The following CPSF2 variants were observed in gnomAD, a reference collection of about 807,000 sequenced individuals.
CPSF2 encodes cleavage and polyadenylation specific factor 2.
CPSF2 carries 51 observed loss-of-function variants against 84.2 expected under a neutral mutation model. The ratio of observed to expected loss-of-function variants is 0.61; its 90% CI spans 0.48 to 0.77. CPSF2 has a LOEUF of 0.77. Ranked by LOEUF, CPSF2 falls within the 30% of genes least tolerant of loss-of-function variation. The pLI is 0.00. For missense variants in CPSF2, 641 were observed against 929.4 expected (o/e 0.69, Z 4.03); for synonymous variants, 286 against 311.9 (o/e 0.92, Z 0.87).
chr14:92,128,033 A>G (rs2068864497), intron 2 of CPSF2, among the ~76,000 whole-genome samples: 1 of 152,212 alleles, frequency 6.6e-6, no homozygotes, highest in Non-Finnish European at 1.5e-5. Flanking sequence ...TTGAAGGGTA[A>G]TACTTACGGC....
chr14:92,162,648 G>A lies in CPSF2; in HGVS notation c.*904G>A, dbSNP rs1015475503. 4 of 152,140 alleles carry A rather than the reference G, an allele frequency of 2.6e-5. No individual in the cohort carries two copies. The highest frequency in any genetic ancestry group is 5.9e-5 in the Non-Finnish European group (4 of 68,030). 9.4% of individuals were successfully genotyped at this position (152,140 alleles called of 1,614,324 possible). Reference sequence around the variant, plus strand: ...CTTGCTGTCTCCTAAGGTCACCCAAGCAGTGGTTGGATTTTATACACATTA... The same window carrying A: ...CTTGCTGTCTCCTAAGGTCACCCAAACAGTGGTTGGATTTTATACACATTA... On this transcript the variant is annotated 3_prime_UTR_variant, in exon 16 of 16. Coordinates refer to ENST00000298875, the MANE Select transcript of CPSF2 (RefSeq NM_017437.3).
In CPSF2 at chr14:92,142,149, A is replaced by C; in HGVS notation, c.662-15A>C. 3.8e-6 allele frequency: 6 copies of C among 1,577,210 alleles called. No individual in the cohort carries two copies. Among genetic ancestry groups the C allele is most frequent in the Non-Finnish European group, 5.2e-6 (6 of 1,156,958 alleles). On this transcript the variant is annotated splice_polypyrimidine_tract_variant and intron_variant, in intron 7 of 15. Transcript: ENST00000298875. ...TTGTTACGTTCTATGGGGATTTTACATTCTTGTTTTCTAGCAAATGTCCTG... is the reference window on the plus strand; with the variant it reads ...TTGTTACGTTCTATGGGGATTTTACCTTCTTGTTTTCTAGCAAATGTCCTG...
At chr14:92,159,350 G>A (rs889628013) in intron 14 of CPSF2, 68 bp downstream of exon 14, 1 of 1,355,808 alleles carries the variant, frequency 7.4e-7, no homozygotes, top group Non-Finnish European at 1.0e-6. Context: ...CATGTCTTTT[G>A]GTTTTTTTCC....
intron 6 of CPSF2, 87 bp downstream of exon 6, chr14:92,135,583 T>G (rs1473855210): frequency 2.1e-6 from 3 of 1,408,274 alleles, no homozygotes; most frequent in Non-Finnish European, 2.9e-6. Context: ...AGTTTTTGTT[T>G]TGGTTACCAG....
At chr14:92,150,926 G>A (rs147972319) in intron 9 of CPSF2, among the ~76,000 whole-genome samples, 2 of 152,290 alleles carry the variant, frequency 1.3e-5, no homozygotes, top group African/African-American at 4.8e-5. Context: ...CTGTGAGATT[G>A]ACAACTTAAA....
rs2069367309 is a variant in CPSF2, at chr14:92,161,221, G to A, written c.2231G>A (p.Cys744Tyr). 1 of 1,612,366 alleles carries A rather than the reference G, an allele frequency of 6.2e-7. No homozygotes were observed. Among genetic ancestry groups the A allele is most frequent in the Admixed American group, 1.7e-5 (1 of 59,614 alleles). Residue 744 changes from cysteine (C) to tyrosine (Y), a missense_variant, in exon 15 of 16, where the codon TGC (cysteine) becomes TAC (tyrosine). Coordinates refer to ENST00000298875, the MANE Select transcript of CPSF2 (RefSeq NM_017437.3). ...QAEFVGGVLV[C>Y]NNQVAVRRTE... Reference sequence around the variant, plus strand: ...GAATTTGTAGGAGGTGTACTTGTTTGCAACAATCAAGTAGCAGTCCGCAGA... The same window carrying A: ...GAATTTGTAGGAGGTGTACTTGTTTACAACAATCAAGTAGCAGTCCGCAGA...
rs1322080079 is a variant in CPSF2 at position 92,163,289 on chromosome 14, C to G, written c.*1545C>G. ...ATCAGACTCGAATTACTATTTCATT[C>G]TATTTCAAATGCTTATAAAGCTACT... is the stretch of plus-strand genomic sequence containing the variant. On this transcript the variant is annotated 3_prime_UTR_variant, in exon 16 of 16. Transcript: ENST00000298875. 4 of 152,474 alleles carry G rather than the reference C, an allele frequency of 2.6e-5. No individual in the cohort carries two copies. The highest frequency in any genetic ancestry group is 5.9e-5 in the Non-Finnish European group (4 of 68,038). 9.4% of individuals were successfully genotyped at this position (152,474 alleles called of 1,614,324 possible).
intron 2 of CPSF2, among the ~76,000 whole-genome samples, chr14:92,127,556 G>C (rs978398468): frequency 6.6e-6 from 1 of 152,192 alleles, no homozygotes; most frequent in African/African-American, 2.4e-5. Context: ...GAGAACTTTT[G>C]CTGTGAAAGG....
chr14:92,141,814 C>T (rs770780090), intron 7 of CPSF2, among the ~76,000 whole-genome samples: 40 of 152,090 alleles, frequency 2.6e-4, no homozygotes, highest in Non-Finnish European at 4.6e-4. Context: ...CCAGGGTAGC[C>T]CGGAAACACC....
chr14:92,127,114 A>C (rs2068854180), intron 2 of CPSF2, among the ~76,000 whole-genome samples: 1 of 152,236 alleles, frequency 6.6e-6, no homozygotes. Flanking sequence ...ATGAAAACAG[A>C]GAAGGTCTTT....
intron 7 of CPSF2, among the ~76,000 whole-genome samples, chr14:92,140,007 G>A (rs2069055014): frequency 7.7e-6 from 1 of 129,518 alleles, no homozygotes; most frequent in Non-Finnish European, 1.6e-5. Flanking sequence ...AGGCTGGAGT[G>A]TAGTGGCACA....
chr14:92,153,703 C>CTTT (rs35788212), intron 9 of CPSF2, among the ~76,000 whole-genome samples: 8 of 131,306 alleles, frequency 6.1e-5, no homozygotes, highest in Admixed American at 1.6e-4. Flanking sequence ...CCACTACTGG[C>CTTT]TTTTTTTTTT....
In CPSF2 at chr14:92,134,301, G is replaced by T; in HGVS notation, c.361G>T (p.Ala121Ser). 6.2e-7 allele frequency: 1 copy of T among 1,613,676 alleles called. No homozygotes were observed. Among genetic ancestry groups the T allele is most frequent in the East Asian group, 2.2e-5 (1 of 44,860 alleles). ...FTLFTLDDVD[A>S]AFDKIQQLKF... Reference sequence around the variant, plus strand: ...ACTCTTTACATTAGATGATGTGGATGCAGCCTTTGATAAAATACAGCAGCT... The same window carrying T: ...ACTCTTTACATTAGATGATGTGGATTCAGCCTTTGATAAAATACAGCAGCT... Residue 121 changes from alanine to serine, a missense_variant, in exon 5 of 16, where the codon GCA becomes TCA. By Grantham distance (99) the Ala-to-Ser change is moderately conservative. Around this residue, in one of 2 missense-constraint regions of CPSF2, gnomAD observed 211 missense variants for 375.7 expected, o/e 0.56. Transcript: ENST00000298875.
At chr14:92,125,971 A>G (rs1423147349) in intron 1 of CPSF2, among the ~76,000 whole-genome samples, 151 bp from the exon 2 acceptor site, 1 of 152,230 alleles carries the variant, frequency 6.6e-6, no homozygotes, top group Non-Finnish European at 1.5e-5. Context: ...TCCTAAAATT[A>G]ATGACAGATC....
Position 92,165,286 on chromosome 14 carries a change from A to G in CPSF2, c.*3542A>G, listed in dbSNP as rs2069429196. The G allele has an allele frequency of 1.3e-5, 2 of 150,264 alleles. No individual in the cohort carries two copies. The highest frequency in any genetic ancestry group is 4.9e-5 in the African/African-American group (2 of 40,772). The allele number at this position is 150,264 out of a possible 1,614,324, so 9.3% of individuals were successfully genotyped here. On this transcript the variant is annotated 3_prime_UTR_variant, in exon 16 of 16. Coordinates refer to ENST00000298875, the MANE Select transcript of CPSF2 (RefSeq NM_017437.3). The stretch of plus-strand genomic sequence containing the variant: ...ACATATGTTTTCAATTTTCTTGGAT[A>G]TATATCTAAGAATTAGAATTGCTGG...
chr14:92,160,011 T>G (rs1005851215), intron 14 of CPSF2, among the ~76,000 whole-genome samples: 2 of 152,094 alleles, frequency 1.3e-5, no homozygotes, highest in African/African-American at 2.4e-5. Flanking sequence ...TGCCCAGGAT[T>G]GAGTGCAGTG....
Position 92,142,991 on chromosome 14 carries a change from C to T in CPSF2, c.850-13C>T, listed in dbSNP as rs1256042954. On this transcript the variant is annotated splice_polypyrimidine_tract_variant and intron_variant, in intron 8 of 15. Transcript: ENST00000298875. The stretch of plus-strand genomic sequence containing the variant: ...AGTATTTCTAATTCTTGTCATCTTT[C>T]CCCCCATGTTAGGTAGAATGGATGA... The T allele has an allele frequency of 7.0e-6, 11 of 1,576,172 alleles. No homozygotes were observed. The highest frequency in any genetic ancestry group is 1.1e-5 in the South Asian group (1 of 87,412).
In CPSF2 at chr14:92,134,297, G is replaced by A; in HGVS notation, c.357G>A (p.Val119=). The A allele has an allele frequency of 6.2e-7, 1 of 1,613,688 alleles. No individual in the cohort carries two copies. The highest frequency in any genetic ancestry group is 8.5e-7 in the Non-Finnish European group (1 of 1,179,838). Residue 119 remains valine, a synonymous_variant, in exon 5 of 16, where the codon GTG becomes GTA. Transcript: ENST00000298875. ...EDFTLFTLDD[V]DAAFDKIQQL... Reference sequence around the variant, plus strand: ...TTACACTCTTTACATTAGATGATGTGGATGCAGCCTTTGATAAAATACAGC... The same window carrying A: ...TTACACTCTTTACATTAGATGATGTAGATGCAGCCTTTGATAAAATACAGC...
chr14:92,148,602 GT>G (rs916565373), intron 9 of CPSF2, among the ~76,000 whole-genome samples: 17 of 147,126 alleles, frequency 1.2e-4, no homozygotes, highest in East Asian at 2.0e-4. Flanking sequence ...TATATTCTGG[GT>G]TTTTTTTTTC....
Sources: allele counts gnomAD v4.1 joint callset (sites outside exome capture counted in the v4.1 genomes callset), GRCh38; gene constraint gnomAD v4.1.1; regional missense constraint gnomAD v4.1.1; transcripts MANE v1.5; gene names NCBI Gene and HGNC (gene_info 2026-07-23, HGNC 2026-07-21).